Variants in SNRPN observed in about 807,000 individuals in gnomAD.
The protein encoded by SNRPN is small nuclear ribonucleoprotein polypeptide N.
Under a neutral mutation model 25.2 loss-of-function variants are expected in SNRPN, and 7 were observed. That is an observed-to-expected ratio of 0.28 (90% confidence interval 0.16 to 0.52). SNRPN has a LOEUF of 0.52. SNRPN is among the 20% of genes least tolerant of loss of function. The pLI is 0.96. For synonymous variants in SNRPN, 124 were observed against 110.6 expected, an observed-to-expected ratio of 1.12 and a Z score of -0.76; for missense variants, 196 against 322.5, an observed-to-expected ratio of 0.61 and a Z score of 3.00.
At chr15:24,875,767 T>G (rs2149172585) in intron 1 of SNRPN, among the ~76,000 whole-genome samples, 1 of 151,994 alleles carries the variant, frequency 6.6e-6, no homozygotes, top group East Asian at 1.9e-4. Flanking sequence ...GAAATAAAAA[T>G]TTTAGGCCGG....
At position 24,956,659 on chromosome 15, in the gene SNRPN, G is replaced by C. The variant is rs551070372; in HGVS notation, c.-391+1597G>C. ...GAATGGCAGCCCTCCCCTTCACCTG[G>C]CTGATACAGCAGCTGTTCCTTTCCG... On this transcript the variant is annotated intron_variant, in intron 1 of 9. Transcript: ENST00000390687. Among the ~76,000 whole-genome samples the C allele has an allele frequency of 2.0e-5, 3 of 152,330 alleles. No homozygotes were observed. The East Asian group carries it at 5.8e-4, about 29-fold the overall frequency.
chr15:24,955,890 C>T (rs220028), intron 1 of SNRPN, among the ~76,000 whole-genome samples: 71,987 of 151,112 alleles, frequency 0.48, 18,321 homozygotes, highest in African/African-American at 0.65. Context: ...TGTCGCTGTC[C>T]GGAGTGACTA....
Position 24,975,439 on chromosome 15 carries a change from G to A in SNRPN, c.85G>A (p.Gly29Ser). 1 of 1,613,264 alleles carries A rather than the reference G, an allele frequency of 6.2e-7. No individual in the cohort carries two copies. The change falls in exon 5 of 10, where the codon GGC (glycine) becomes AGC (serine). Residue 29 changes from glycine (G) to serine (S), a missense_variant. Coordinates refer to ENST00000390687, the MANE Select transcript of SNRPN (RefSeq NM_003097.6). ...CCTGCAAGATGGCCGAATCTTCATT[G>A]GCACCTTTAAGGCTTTTGACAAGCA... ...CILQDGRIFI[G>S]TFKAFDKHMN...
intron 1 of SNRPN, among the ~76,000 whole-genome samples, chr15:24,870,551 G>A (rs1251172636): frequency 3.3e-5 from 5 of 151,986 alleles, no homozygotes; most frequent in Non-Finnish European, 5.9e-5. Context: ...TAATCACCAA[G>A]TTAGAGGCTA....
At chr15:24,869,435 T>C (rs967961261) in intron 1 of SNRPN, among the ~76,000 whole-genome samples, 7 of 152,210 alleles carry the variant, frequency 4.6e-5, no homozygotes, top group African/African-American at 1.7e-4. Flanking sequence ...TTCTACCGAA[T>C]GAACACTTTG....
chr15:24,884,767 A>T (rs1454740900), intron 1 of SNRPN, among the ~76,000 whole-genome samples: 2 of 152,206 alleles, frequency 1.3e-5, no homozygotes, highest in African/African-American at 4.8e-5. Context: ...CTAGACATAA[A>T]TAAGCCAATT....
intron 2 of SNRPN, chr15:24,849,300 C>T (rs1054777368): frequency 1.3e-5 from 2 of 152,226 alleles, no homozygotes; most frequent in African/African-American, 2.4e-5. Flanking sequence ...ATTCCATCAC[C>T]TCATCCATCA....
upstream of SNRPN, among the ~76,000 whole-genome samples, chr15:24,854,702 G>T (rs1001641071): frequency 6.6e-6 from 1 of 152,054 alleles, no homozygotes; most frequent in Non-Finnish European, 1.5e-5. Flanking sequence ...TTAACACAGC[G>T]ACTATTAATT....
chr15:24,880,138 A>G (rs1009295042), intron 1 of SNRPN, among the ~76,000 whole-genome samples: 1 of 152,240 alleles, frequency 6.6e-6, no homozygotes, highest in Non-Finnish European at 1.5e-5. Context: ...TCTTGGACCT[A>G]TGACGACTCC....
chr15:24,935,122 T>C (rs568345546), intron 3 of SNRPN, among the ~76,000 whole-genome samples: 2 of 152,022 alleles, frequency 1.3e-5, no homozygotes, highest in South Asian at 2.1e-4. Context: ...AATACAAAAA[T>C]CTAGCTGGGC....
chr15:24,899,390 C>A (rs2058299464), intron 2 of SNRPN, among the ~76,000 whole-genome samples: 1 of 152,114 alleles, frequency 6.6e-6, no homozygotes, highest in Admixed American at 6.5e-5. Context: ...GAGTCAGATA[C>A]CCTTAAAAAT....
At chr15:24,859,219 G>T (rs766405769) in intron 1 of SNRPN, among the ~76,000 whole-genome samples, 4 of 152,172 alleles carry the variant, frequency 2.6e-5, no homozygotes, top group Non-Finnish European at 5.9e-5. Context: ...GCACCCCTCT[G>T]CGCAGAAGTA....
At chr15:24,949,333 A>G (rs1288712665) in intron 3 of SNRPN, among the ~76,000 whole-genome samples, 1 of 152,080 alleles carries the variant, frequency 6.6e-6, no homozygotes. Context: ...GGATTTGCCA[A>G]TCCTTAACAG....
At chr15:24,903,077 T>C (rs894435818) in intron 2 of SNRPN, among the ~76,000 whole-genome samples, 2 of 152,158 alleles carry the variant, frequency 1.3e-5, no homozygotes, top group Admixed American at 1.3e-4. Flanking sequence ...TTTACAATCC[T>C]TTAGGTAGAC....
intron 2 of SNRPN, among the ~76,000 whole-genome samples, chr15:24,845,482 C>G (rs1323663289): frequency 6.6e-6 from 1 of 152,032 alleles, no homozygotes; most frequent in African/African-American, 2.4e-5. Flanking sequence ...CCTGTAATCC[C>G]AGCTACTCGG....
At chr15:24,843,367 G>T (rs773055480) in intron 2 of SNRPN, among the ~76,000 whole-genome samples, 16 of 152,214 alleles carry the variant, frequency 1.1e-4, no homozygotes, top group Admixed American at 2.6e-4. Flanking sequence ...GATTCAGAAG[G>T]CTGGTTGTGG....
chr15:24,908,425 A>G (rs575939970), intron 2 of SNRPN, among the ~76,000 whole-genome samples: 4 of 152,340 alleles, frequency 2.6e-5, no homozygotes, highest in African/African-American at 9.6e-5. Flanking sequence ...GAAAAGCCAT[A>G]GAGAAAGCCT....
chr15:24,871,749 G>T (rs1198521218), intron 1 of SNRPN, among the ~76,000 whole-genome samples: 1 of 149,940 alleles, frequency 6.7e-6, no homozygotes, highest in African/African-American at 2.4e-5. Context: ...CTGTTGCCCA[G>T]GCTAGAGTGC....
chr15:24,966,051 G>A (rs2153550361), intron 2 of SNRPN, among the ~76,000 whole-genome samples: 1 of 152,252 alleles, frequency 6.6e-6, no homozygotes, highest in Admixed American at 6.5e-5. Context: ...TTAGAGGTAT[G>A]TGCAGTGCAA....
Sources: allele counts gnomAD v4.1 joint callset (sites outside exome capture counted in the v4.1 genomes callset), GRCh38; gene constraint gnomAD v4.1.1; transcripts MANE v1.5; gene names NCBI Gene and HGNC (gene_info 2026-07-23, HGNC 2026-07-21).